Variants in MLIP observed in about 807,000 individuals in gnomAD.
MLIP encodes muscular LMNA-interacting protein.
In MLIP, 79 loss-of-function variants were observed where a neutral mutation model predicts 84.8. The ratio of observed to expected loss-of-function variants is 0.93; its 90% CI spans 0.78 to 1.12. The LOEUF (loss-of-function observed/expected upper bound fraction) is 1.12, where lower values mean the gene tolerates loss of function less well. MLIP is among the 50% of genes most tolerant of loss of function. The probability of loss-of-function intolerance (pLI) is 0.00; values close to 1 mark genes in which losing one functional copy is unlikely to be tolerated. For missense variants in MLIP, 1,257 were observed against 1,160.6 expected, an observed-to-expected ratio of 1.08 and a Z score of -1.21; for synonymous variants, 504 against 463.0, an observed-to-expected ratio of 1.09 and a Z score of -1.14.
intron 1 of MLIP, among the ~76,000 whole-genome samples, chr6:54,066,887 A>G (rs1766248106): frequency 1.0e-5 from 1 of 99,776 alleles, no homozygotes; most frequent in African/African-American, 2.6e-5. Flanking sequence ...ATCCAAAAAA[A>G]ATGGGAGTCA....
intron 1 of MLIP, 42 bp from the exon 2 acceptor site, chr6:54,121,405 C>T (rs1363225183): frequency 1.2e-6 from 2 of 1,602,280 alleles, no homozygotes; most frequent in Non-Finnish European, 1.7e-6. Flanking sequence ...CAAGATAAAC[C>T]TTTGACAAGG....
In MLIP at chr6:54,137,367, C is replaced by G. The variant is rs1254781845; in HGVS notation, c.1298C>G (p.Pro433Arg). Residue 433 changes from proline to arginine, a missense_variant, in exon 4 of 14, where the codon CCT becomes CGT. Pro to Arg is a moderately radical substitution (Grantham distance 103, BLOSUM62 -2). Coordinates refer to ENST00000502396, the MANE Select transcript of MLIP (RefSeq NM_001281747.2). ...SNPSHQRPFS[P>R]ASCPTFSLNS... ...CCTTCCCACCAAAGACCCTTTTCCCCTGCATCCTGTCCCACCTTCTCTCTC... is the reference window on the plus strand; with the variant it reads ...CCTTCCCACCAAAGACCCTTTTCCCGTGCATCCTGTCCCACCTTCTCTCTC... 1.3e-6 allele frequency: 2 copies of G among 1,536,026 alleles called. No individual in the cohort carries two copies. The highest frequency in any genetic ancestry group is 4.9e-5 in the East Asian group (2 of 40,914).
intron 5 of MLIP, among the ~76,000 whole-genome samples, chr6:54,160,099 G>A (rs1234655358): frequency 1.3e-5 from 2 of 152,038 alleles, no homozygotes; most frequent in African/African-American, 4.8e-5. Context: ...TTTAATAAAT[G>A]ATGTTGAGAA....
Position 54,237,651 on chromosome 6 carries a change from G to A in MLIP, c.2922+6734G>A, listed in dbSNP as rs897779029. Among the ~76,000 whole-genome samples the A allele has an allele frequency of 1.2e-4, 18 of 145,782 alleles. No individual in the cohort carries two copies. In the Admixed American group the frequency reaches 1.3e-3, roughly 10 times the overall value. On this transcript the variant is annotated intron_variant, in intron 12 of 13. Transcript: ENST00000502396. ...GCTTAAGCCCAGGAGCCAGAGACCA[G>A]CCTGGACGACATAGGGAGACTGTCT...
At chr6:54,243,752 C>T (rs976049366) in intron 12 of MLIP, among the ~76,000 whole-genome samples, 1 of 151,986 alleles carries the variant, frequency 6.6e-6, no homozygotes. Flanking sequence ...CCATCACCAC[C>T]ACCCGGGAAT....
chr6:54,251,026 T>C (rs1782438450), intron 12 of MLIP, among the ~76,000 whole-genome samples: 1 of 152,054 alleles, frequency 6.6e-6, no homozygotes, highest in Admixed American at 6.6e-5. Context: ...TGTTCACTGA[T>C]TGTTATATCC....
At position 54,202,184 on chromosome 6, in the gene MLIP, A is replaced by C; in HGVS notation, c.2669A>C (p.Asn890Thr). The change falls in exon 11 of 14, where the codon AAC becomes ACC. Residue 890 changes from asparagine to threonine, a missense_variant. By Grantham distance (65) the Asn-to-Thr change is moderately conservative. Coordinates refer to ENST00000502396, the MANE Select transcript of MLIP (RefSeq NM_001281747.2). ...AAAGAGGAGGAAGTCTATGAACCCA[A>C]CCCTTTCAGTAAATACTTGGAAGAT... ...LKKEEEVYEP[N>T]PFSKYLEDNS... The C allele has an allele frequency of 3.8e-6, 6 of 1,595,554 alleles. No homozygotes were observed. The highest frequency in any genetic ancestry group is 5.1e-6 in the Non-Finnish European group (6 of 1,170,172).
intron 9 of MLIP, among the ~76,000 whole-genome samples, chr6:54,180,161 T>C (rs1291738358): frequency 1.3e-5 from 2 of 152,162 alleles, no homozygotes; most frequent in African/African-American, 4.8e-5. Flanking sequence ...TGGCCTGTAA[T>C]GTTTCCACTG....
chr6:54,265,078 G>T (rs1783608224), intron 13 of MLIP, among the ~76,000 whole-genome samples: 1 of 151,996 alleles, frequency 6.6e-6, no homozygotes, highest in African/African-American at 2.4e-5. Context: ...AAAGGCAACT[G>T]ACCTCCTTTA....
At chr6:54,059,577 G>T (rs1765848831) in intron 1 of MLIP, among the ~76,000 whole-genome samples, 1 of 152,124 alleles carries the variant, frequency 6.6e-6, no homozygotes, top group Non-Finnish European at 1.5e-5. Context: ...ATCATCTCCA[G>T]ATTTGTCACT....
intron 1 of MLIP, among the ~76,000 whole-genome samples, chr6:54,057,445 C>T (rs1765725486): frequency 6.6e-6 from 1 of 152,142 alleles, no homozygotes; most frequent in East Asian, 1.9e-4. Flanking sequence ...TTGTTACATT[C>T]TTTTGTCTGT....
chr6:54,207,420 C>CA (rs1375676493), intron 11 of MLIP, among the ~76,000 whole-genome samples: 14 of 126,198 alleles, frequency 1.1e-4, no homozygotes, highest in African/African-American at 3.9e-4. Flanking sequence ...CCCCCCCCCC[C>CA]TTTTTTGACA....
At chr6:54,026,488 T>C (rs1239447089) in intron 1 of MLIP, among the ~76,000 whole-genome samples, 3 of 152,040 alleles carry the variant, frequency 2.0e-5, no homozygotes, top group Non-Finnish European at 4.4e-5. Flanking sequence ...AATTTAAAAA[T>C]TGCAAAAGAA....
At chr6:54,038,686 G>GCT (rs956580481) in intron 1 of MLIP, among the ~76,000 whole-genome samples, 2 of 151,624 alleles carry the variant, frequency 1.3e-5, no homozygotes, top group African/African-American at 4.8e-5. Flanking sequence ...CTGACACTTT[G>GCT]CTCTCTGCTT....
chr6:54,176,260 T>A (rs1156772904), intron 9 of MLIP, among the ~76,000 whole-genome samples: 2 of 151,884 alleles, frequency 1.3e-5, no homozygotes, highest in Non-Finnish European at 2.9e-5. Context: ...AGATTTGTAG[T>A]ATTCCCTTCT....
intron 10 of MLIP, among the ~76,000 whole-genome samples, chr6:54,199,325 C>T: frequency 6.6e-6 from 1 of 152,050 alleles, no homozygotes; most frequent in East Asian, 1.9e-4. Context: ...ATATTAACTG[C>T]ATGACTTTGG....
At position 54,266,058 on chromosome 6, in the gene MLIP, C is replaced by T. The variant is rs9370277; in HGVS notation, c.*103C>T. On this transcript the variant is annotated 3_prime_UTR_variant, in exon 14 of 14. Coordinates refer to ENST00000502396, the MANE Select transcript of MLIP (RefSeq NM_001281747.2). ...TTTTTTTTTTTTTCCAGAATGAGTGCTCCCTTTATGAGCTGCAGTGCAGCA... is the reference window on the plus strand; with the variant it reads ...TTTTTTTTTTTTTCCAGAATGAGTGTTCCCTTTATGAGCTGCAGTGCAGCA... 3.2e-3 allele frequency: 3,835 copies of T among 1,190,730 alleles called. 70 individuals carry two copies. The highest frequency in any genetic ancestry group is 0.027 in the Admixed American group (1,369 of 50,848). 73.8% of individuals were successfully genotyped at this position (1,190,730 alleles called of 1,614,324 possible).
At chr6:54,177,709 A>G (rs1776435197) in intron 9 of MLIP, among the ~76,000 whole-genome samples, 1 of 152,222 alleles carries the variant, frequency 6.6e-6, no homozygotes, top group South Asian at 2.1e-4. Flanking sequence ...TACCCAAAGG[A>G]ATATAAGTCA....
intron 11 of MLIP, among the ~76,000 whole-genome samples, chr6:54,220,920 T>TACACAC (rs1364953560): frequency 6.7e-6 from 1 of 149,540 alleles, no homozygotes; most frequent in African/African-American, 2.5e-5. Context: ...ACAAAGGAGA[T>TACACAC]ATACACACAC....
Sources: gnomAD v4.1 joint callset for allele counts (sites outside exome capture counted in the v4.1 genomes callset) on GRCh38, gnomAD v4.1.1 for gene constraint, MANE v1.5 for transcripts, NCBI Gene and HGNC (gene_info 2026-07-23, HGNC 2026-07-21) for gene names.